Variants in ICA1 observed in about 807,000 individuals in gnomAD.
ICA1 encodes the protein 69 kDa islet cell autoantigen.
ICA1 carries 40 observed loss-of-function variants against 71.0 expected under a neutral mutation model. The ratio of observed to expected loss-of-function variants is 0.56; its 90% CI spans 0.44 to 0.73. The LOEUF is 0.73. Among genes scored for constraint, ICA1 ranks in the 30% least tolerant of loss-of-function variants. The probability of loss-of-function intolerance (pLI) is 0.00; values close to 1 mark genes in which losing one functional copy is unlikely to be tolerated. For synonymous variants in ICA1, 207 were observed against 209.5 expected (o/e 0.99, Z 0.10); for missense variants, 578 against 576.5 (o/e 1.00, Z -0.03).
At chr7:8,245,144 C>A (rs114237299) in intron 1 of ICA1, among the ~76,000 whole-genome samples, 3,080 of 152,158 alleles carry the variant, frequency 0.02, 96 homozygotes, top group African/African-American at 0.068. Context: ...ACAATACCAA[C>A]GACTTGGAAC....
intron 13 of ICA1, among the ~76,000 whole-genome samples, chr7:8,120,530 GGT>G (rs1200130824): frequency 6.6e-6 from 1 of 152,154 alleles, no homozygotes; most frequent in African/African-American, 2.4e-5. Context: ...TTCTCTAGCT[GGT>G]GTGAGTTGGC....
chr7:8,211,318 G>A (rs1793716463), intron 6 of ICA1, among the ~76,000 whole-genome samples: 1 of 152,104 alleles, frequency 6.6e-6, no homozygotes, highest in Admixed American at 6.5e-5. Flanking sequence ...AGTACCTCCT[G>A]TGACTCATGC....
At chr7:8,174,771 A>AAACC (rs3078593) in intron 6 of ICA1, among the ~76,000 whole-genome samples, 1 of 106,038 alleles carries the variant, frequency 9.4e-6, no homozygotes, top group East Asian at 3.1e-4. Context: ...AAAAAAAAAA[A>AAACC]AAAAAAAACA....
At chr7:8,159,590 C>T (rs1263379898) in intron 6 of ICA1, among the ~76,000 whole-genome samples, 1 of 152,032 alleles carries the variant, frequency 6.6e-6, no homozygotes, top group East Asian at 1.9e-4. Context: ...GTCCCAGCTA[C>T]TGGGGAGGCT....
At chr7:8,175,302 T>C (rs1021082538) in intron 6 of ICA1, among the ~76,000 whole-genome samples, 1 of 152,192 alleles carries the variant, frequency 6.6e-6, no homozygotes, top group Non-Finnish European at 1.5e-5. Context: ...GCTAAGACGG[T>C]TAATCATCAG....
At chr7:8,151,376 A>G (rs1798750624) in intron 8 of ICA1, among the ~76,000 whole-genome samples, 1 of 152,012 alleles carries the variant, frequency 6.6e-6, no homozygotes, top group Non-Finnish European at 1.5e-5. Flanking sequence ...TCCCCCTCAG[A>G]TTTCAGTGGT....
chr7:8,206,948 C>G (rs1365186946), intron 6 of ICA1, among the ~76,000 whole-genome samples: 2 of 152,136 alleles, frequency 1.3e-5, no homozygotes, highest in Middle Eastern at 3.2e-3. Flanking sequence ...AACTAATACC[C>G]ATGAACTATT....
Position 8,221,403 on chromosome 7 carries a change from T to A in ICA1, c.257-5A>T. On this transcript the variant is annotated splice_region_variant and splice_polypyrimidine_tract_variant and intron_variant, in intron 4 of 13. Coordinates refer to ENST00000402384, the MANE Select transcript of ICA1 (RefSeq NM_001136020.3). The stretch of plus-strand genomic sequence containing the variant: ...CGTTTTCTTCTTGAGACAAGACTGA[T>A]GAAGAAAAGACCAAAAGGAGCCATG... The A allele has an allele frequency of 1.9e-6, 3 of 1,612,928 alleles. No individual in the cohort carries two copies. The highest frequency in any genetic ancestry group is 1.7e-5 in the Admixed American group (1 of 59,968).
chr7:8,261,980 G>T (rs934817576), intron 1 of ICA1, 114 bp downstream of exon 1: 25 of 152,428 alleles, frequency 1.6e-4, no homozygotes, highest in Non-Finnish European at 2.3e-4. Flanking sequence ...CCCGCGGAGG[G>T]CAGAGAAGGC....
intron 1 of ICA1, among the ~76,000 whole-genome samples, chr7:8,241,587 G>A (rs548827194): frequency 2.6e-5 from 4 of 152,194 alleles, no homozygotes; most frequent in Admixed American, 1.3e-4. Context: ...TTGTAAATGG[G>A]CTAAATGCCC....
intron 6 of ICA1, among the ~76,000 whole-genome samples, chr7:8,196,422 A>C (rs181445598): frequency 1.2e-3 from 187 of 152,340 alleles, no homozygotes; most frequent in African/African-American, 4.1e-3. Context: ...TGCTACTAGA[A>C]TGGTGGGTAC....
rs554943461 is a variant in ICA1 at position 8,126,787 on chromosome 7, GAAAAAGTGTTGA to G, written c.1330+1074_1330+1085del. Among the ~76,000 whole-genome samples, 148 of 152,170 alleles carry G rather than the reference GAAAAAGTGTTGA, an allele frequency of 9.7e-4. 1 individual carries two copies. The highest frequency in any genetic ancestry group is 3.2e-3 in the African/African-American group (133 of 41,530). ...TACAATTAAAGTCACATGAAAGAAG[GAAAAAGTGTTGA>G]AATACTAAAAAATGGTTTCCTTTCA... On this transcript the variant is annotated intron_variant, in intron 13 of 13. Coordinates refer to ENST00000402384, the MANE Select transcript of ICA1 (RefSeq NM_001136020.3).
intron 3 of ICA1, among the ~76,000 whole-genome samples, chr7:8,230,076 G>A (rs976740154): frequency 6.6e-5 from 10 of 152,174 alleles, no homozygotes; most frequent in African/African-American, 2.4e-4. Context: ...ACATAATCAT[G>A]CCCAAGGCAA....
At chr7:8,168,331 A>G (rs1192165909) in intron 6 of ICA1, among the ~76,000 whole-genome samples, 1 of 152,162 alleles carries the variant, frequency 6.6e-6, no homozygotes, top group Admixed American at 6.6e-5. Flanking sequence ...CTTTCCATTT[A>G]TCAGATACCA....
chr7:8,235,970 AG>A lies in ICA1; in HGVS notation c.-45del. ...TGTTGATGATTTGGGGAGAAGGGGC[AG>A]GAAAAAAGCATGAGAGGATAAGTTA... On this transcript the variant is annotated 5_prime_UTR_variant, in exon 2 of 14. An upstream open reading frame in the 5' UTR loses its in-frame stop. Coordinates refer to ENST00000402384, the MANE Select transcript of ICA1 (RefSeq NM_001136020.3). 1 of 1,602,310 alleles carries A rather than the reference AG, an allele frequency of 6.2e-7. No individual in the cohort carries two copies.
At chr7:8,159,443 G>A (rs1802881157) in intron 6 of ICA1, among the ~76,000 whole-genome samples, 1 of 152,216 alleles carries the variant, frequency 6.6e-6, no homozygotes. Context: ...CAGGCACAGT[G>A]GCTTAAACCT....
At chr7:8,126,847 C>G (rs537424578) in intron 13 of ICA1, among the ~76,000 whole-genome samples, 2 of 152,290 alleles carry the variant, frequency 1.3e-5, no homozygotes, top group East Asian at 3.9e-4. Flanking sequence ...TTTAGAAACT[C>G]AAAAATTTAA....
chr7:8,147,888 G>A (rs1170218062), intron 8 of ICA1, among the ~76,000 whole-genome samples: 1 of 152,160 alleles, frequency 6.6e-6, no homozygotes, highest in African/African-American at 2.4e-5. Context: ...TCAGGGTGGA[G>A]TTTGCACATT....
At chr7:8,118,290 T>G (rs2128001905) in intron 13 of ICA1, among the ~76,000 whole-genome samples, 1 of 152,344 alleles carries the variant, frequency 6.6e-6, no homozygotes, top group Non-Finnish European at 1.5e-5. Context: ...CGAAGAGTTC[T>G]AAAAGGCATT....
Sources: allele counts gnomAD v4.1 joint callset (sites outside exome capture counted in the v4.1 genomes callset), GRCh38; gene constraint gnomAD v4.1.1; transcripts MANE v1.5; gene names NCBI Gene and HGNC (gene_info 2026-07-23, HGNC 2026-07-21).